The following CD80 variants were observed in gnomAD, a reference collection of about 807,000 sequenced individuals.
The protein encoded by CD80 is T-lymphocyte activation antigen CD80.
Under a neutral mutation model 27.1 loss-of-function variants are expected in CD80, and 13 were observed. The ratio of observed to expected loss-of-function variants is 0.48; its 90% CI spans 0.31 to 0.76. The LOEUF is 0.76. Among genes scored for constraint, CD80 ranks in the 30% least tolerant of loss-of-function variants. CD80 has a pLI of 0.04. For synonymous variants in CD80, 125 were observed against 125.5 expected, an observed-to-expected ratio of 1.00 and a Z score of 0.03; for missense variants, 277 against 347.9, an observed-to-expected ratio of 0.80 and a Z score of 1.62.
rs1175155655 is a variant in CD80, at chr3:119,557,802, G to C, written c.-74C>G. 4 of 936,602 alleles carry C rather than the reference G, an allele frequency of 4.3e-6. No individual in the cohort carries two copies. The highest frequency in any genetic ancestry group is 6.6e-6 in the Non-Finnish European group (4 of 610,442). The allele number at this position is 936,602 out of a possible 1,614,324, so 58.0% of individuals were successfully genotyped here. A position where few individuals can be genotyped will look rare whatever the true frequency, so the allele number is the denominator to read the frequency against. ...AGTAAGACCAGGGCACTTCCCAGGT[G>C]CAAAACAGGCAGGGCTGATGACAAT... is the stretch of plus-strand genomic sequence containing the variant. On this transcript the variant is annotated 5_prime_UTR_variant, in exon 2 of 7. Transcript: ENST00000264246.
chr3:119,554,627 G>A (rs1282835801), intron 2 of CD80, among the ~76,000 whole-genome samples: 1 of 152,202 alleles, frequency 6.6e-6, no homozygotes, highest in African/African-American at 2.4e-5. Flanking sequence ...GGCAGGAGGA[G>A]AGGGGGAACA....
chr3:119,544,694 T>A lies in CD80; in HGVS notation c.274A>T (p.Ile92Phe). 6.2e-7 allele frequency: 1 copy of A among 1,614,198 alleles called. No individual in the cohort carries two copies. The highest frequency in any genetic ancestry group is 1.1e-5 in the South Asian group (1 of 91,084). ...GAGAGGTTATTAGTGATATCAAAGA[T>A]GGTCCGGTTCTTGTACTCGGGCCAT... The part of the protein sequence containing the change: ...NIWPEYKNRT[I>F]FDITNNLSIV... Residue 92 changes from isoleucine to phenylalanine, a missense_variant, in exon 3 of 7, where the codon ATC becomes TTC. Coordinates refer to ENST00000264246, the MANE Select transcript of CD80 (RefSeq NM_005191.4).
chr3:119,545,110 G>A (rs1323732190), intron 2 of CD80, among the ~76,000 whole-genome samples: 6 of 152,080 alleles, frequency 3.9e-5, no homozygotes, highest in South Asian at 4.1e-4. Context: ...TTGGGAGGCC[G>A]AGGCAGGCAG....
At chr3:119,530,056 T>C (rs948240774) in intron 4 of CD80, 119 bp from the exon 5 acceptor site, 2 of 651,776 alleles carry the variant, frequency 3.1e-6, no homozygotes, top group African/African-American at 1.9e-5. Context: ...CTCTCCAGTA[T>C]GCAGCTGCTA....
intron 1 of CD80, among the ~76,000 whole-genome samples, chr3:119,558,583 CA>C (rs1194215900): frequency 1.3e-5 from 2 of 151,908 alleles, no homozygotes; most frequent in Non-Finnish European, 2.9e-5. Flanking sequence ...GCCAACATGG[CA>C]AAACCCCATT....
Position 119,557,839 on chromosome 3 carries a change from C to G in CD80, c.-111G>C. ...GGGCTGATGACAATCCAATTGCTCA[C>G]GTAGAAGACCCTCCAGTGATGTTTA... On this transcript the variant is annotated 5_prime_UTR_variant, in exon 2 of 7. Coordinates refer to ENST00000264246, the MANE Select transcript of CD80 (RefSeq NM_005191.4). The G allele has an allele frequency of 7.0e-6, 4 of 575,166 alleles. No individual in the cohort carries two copies. 35.6% of individuals were successfully genotyped at this position (575,166 alleles called of 1,614,324 possible).
chr3:119,551,682 C>T (rs986772583), intron 2 of CD80, among the ~76,000 whole-genome samples: 2 of 152,158 alleles, frequency 1.3e-5, no homozygotes, highest in Non-Finnish European at 2.9e-5. Flanking sequence ...CAAACCAGAC[C>T]GAGATAACTA....
At position 119,537,077 on chromosome 3, in the gene CD80, C is replaced by T. The variant is rs1019735646; in HGVS notation, c.700+60G>A. On this transcript the variant is annotated intron_variant, in intron 4 of 6. Transcript: ENST00000264246. The stretch of plus-strand genomic sequence containing the variant: ...AATGTATCCACATCATTAAATGACA[C>T]GACTATATTGTCTTTTTAGATTCGA... 3.5e-5 allele frequency: 49 copies of T among 1,413,380 alleles called. No homozygotes were observed. The East Asian group carries it at 5.3e-4, about 15-fold the overall frequency. The allele number at this position is 1,413,380 out of a possible 1,614,324, so 87.6% of individuals were successfully genotyped here. A position where few individuals can be genotyped will look rare whatever the true frequency, so the allele number is the denominator to read the frequency against.
Position 119,557,812 on chromosome 3 carries a change from C to T in CD80, c.-84G>A. 2.4e-6 allele frequency: 2 copies of T among 829,422 alleles called. No homozygotes were observed. Among genetic ancestry groups the T allele is most frequent in the Non-Finnish European group, 3.8e-6 (2 of 520,396 alleles). The allele number at this position is 829,422 out of a possible 1,614,324, so 51.4% of individuals were successfully genotyped here. On this transcript the variant is annotated 5_prime_UTR_variant, in exon 2 of 7. Coordinates refer to ENST00000264246, the MANE Select transcript of CD80 (RefSeq NM_005191.4). ...GGGCACTTCCCAGGTGCAAAACAGGCAGGGCTGATGACAATCCAATTGCTC... is the reference window on the plus strand; with the variant it reads ...GGGCACTTCCCAGGTGCAAAACAGGTAGGGCTGATGACAATCCAATTGCTC...
At chr3:119,552,755 GA>G (rs1330529080) in intron 2 of CD80, among the ~76,000 whole-genome samples, 9 of 152,102 alleles carry the variant, frequency 5.9e-5, no homozygotes, top group Non-Finnish European at 1.2e-4. Flanking sequence ...GGAGTACTAA[GA>G]CATACGCAAC....
chr3:119,537,301 C>T lies in CD80; in HGVS notation c.536G>A (p.Gly179Glu). Reference protein sequence around the residue: ...PEPHLSWLENGEELNAINTTV... With the variant: ...PEPHLSWLENEEELNAINTTV... ...TGTGTTGATGGCATTTAATTCTTCT[C>T]CATTTTCCAACCAGGAGAGGTGAGG... Residue 179 changes from glycine (G) to glutamate (E), a missense_variant, in exon 4 of 7, where the codon GGA (glycine) becomes GAA (glutamate). Coordinates refer to ENST00000264246, the MANE Select transcript of CD80 (RefSeq NM_005191.4). 6.2e-7 allele frequency: 1 copy of T among 1,614,066 alleles called. No homozygotes were observed.
At chr3:119,554,633 G>A (rs546727938) in intron 2 of CD80, among the ~76,000 whole-genome samples, 5 of 152,188 alleles carry the variant, frequency 3.3e-5, no homozygotes, top group South Asian at 2.1e-4. Flanking sequence ...AGGAGAGGGG[G>A]AACACCTCTG....
intron 2 of CD80, among the ~76,000 whole-genome samples, chr3:119,554,579 A>G (rs1262035299): frequency 2.0e-5 from 3 of 152,172 alleles, no homozygotes; most frequent in East Asian, 1.9e-4. Flanking sequence ...CACCCTGTGC[A>G]TGAAAGAGGA....
intron 2 of CD80, 90 bp downstream of exon 2, chr3:119,557,539 G>A: frequency 1.3e-6 from 1 of 780,058 alleles, no homozygotes; most frequent in Non-Finnish European, 2.0e-6. Flanking sequence ...CAGCTTATAG[G>A]ATAATAGAAG....
rs750697479 is a variant in CD80 at position 119,544,540 on chromosome 3, T to C, written c.418+10A>G. ...GCCGGCCTAGAGTAAAATCAGAAAA[T>C]CCCACCAACCTTTGACTGATAACGT... On this transcript the variant is annotated intron_variant, in intron 3 of 6. Transcript: ENST00000264246. 2 of 1,606,656 alleles carry C rather than the reference T, an allele frequency of 1.2e-6. No individual in the cohort carries two copies. The highest frequency in any genetic ancestry group is 1.7e-6 in the Non-Finnish European group (2 of 1,174,160).
intron 1 of CD80, 44 bp from the exon 2 acceptor site, chr3:119,557,972 C>T (rs530415428): frequency 2.6e-4 from 84 of 322,992 alleles, no homozygotes; most frequent in African/African-American, 1.7e-3. Context: ...GGAAGGTGTG[C>T]CTACTTTGAG....
chr3:119,524,827 G>A lies in CD80; in HGVS notation c.*961C>T, dbSNP rs1355393244. 6.6e-6 allele frequency: 1 copy of A among 152,170 alleles called. No individual in the cohort carries two copies. Among genetic ancestry groups the A allele is most frequent in the Admixed American group, 6.5e-5 (1 of 15,270 alleles). The allele number at this position is 152,170 out of a possible 1,614,324, so 9.4% of individuals were successfully genotyped here. ...TGTCAGAAAGACCCAGAAATACCAA[G>A]GAGAAAAAGCCATCTTAGGGATCTA... On this transcript the variant is annotated 3_prime_UTR_variant, in exon 7 of 7. Coordinates refer to ENST00000264246, the MANE Select transcript of CD80 (RefSeq NM_005191.4).
rs780121133 is a variant in CD80, at chr3:119,544,586, G to A, written c.382C>T (p.Arg128Trp). The change falls in exon 3 of 7, where the codon CGG becomes TGG. Residue 128 changes from arginine to tryptophan, a missense_variant. Physicochemically the swap from Arg to Trp is moderately radical, Grantham distance 101. Coordinates refer to ENST00000264246, the MANE Select transcript of CD80 (RefSeq NM_005191.4). ...AACGTCACTTCAGCCAGGTGTTCCC[G>A]CTTGAAAGCGTCTTTTTCATACTTC... ...VLKYEKDAFK[R>W]EHLAEVTLSV... 2 of 1,614,106 alleles carry A rather than the reference G, an allele frequency of 1.2e-6. No homozygotes were observed. The highest frequency in any genetic ancestry group is 2.2e-5 in the South Asian group (2 of 91,076).
intron 3 of CD80, among the ~76,000 whole-genome samples, chr3:119,542,738 T>C (rs2082176866): frequency 6.6e-6 from 1 of 152,172 alleles, no homozygotes; most frequent in African/African-American, 2.4e-5. Flanking sequence ...TAGTTTATAG[T>C]TTAAACAAAG....
Sources: gnomAD v4.1 joint callset for allele counts (sites outside exome capture counted in the v4.1 genomes callset) on GRCh38, gnomAD v4.1.1 for gene constraint, MANE v1.5 for transcripts, NCBI Gene and HGNC (gene_info 2026-07-23, HGNC 2026-07-21) for gene names.